The following DUSP10 variants were observed in gnomAD, a reference collection of about 807,000 sequenced individuals.
DUSP10 encodes the protein dual specificity protein phosphatase 10.
Under a neutral mutation model 30.8 loss-of-function variants are expected in DUSP10, and 14 were observed. That is an observed-to-expected ratio of 0.46 (90% CI 0.30 to 0.71). The LOEUF is 0.71. Among genes scored for constraint, DUSP10 ranks in the 30% least tolerant of loss-of-function variants. The probability of loss-of-function intolerance (pLI) is 0.08; values close to 1 mark genes in which losing one functional copy is unlikely to be tolerated. For synonymous variants in DUSP10, 254 were observed against 250.4 expected, an observed-to-expected ratio of 1.01 and a Z score of -0.14; for missense variants, 550 against 619.4, an observed-to-expected ratio of 0.89 and a Z score of 1.19.
chr1:221,713,415 CA>C (rs1176483324), intron 2 of DUSP10, among the ~76,000 whole-genome samples: 1 of 152,144 alleles, frequency 6.6e-6, no homozygotes, highest in African/African-American at 2.4e-5. Context: ...AAAAAAAAGA[CA>C]TTTTTTAGGC....
chr1:221,706,385 C>T lies in DUSP10; in HGVS notation c.893G>A (p.Gly298Asp), dbSNP rs201839942. ...LQLQECREVGGGASAASSLLP... is the reference protein window; with the variant it reads ...LQLQECREVGDGASAASSLLP... ...CAAGCTCGAGGCCGCGGATGCGCCG[C>T]CCCCCACCTCCCGGCACTCTTGGAG... Residue 298 changes from glycine (G) to aspartate (D), a missense_variant, in exon 3 of 4, where the codon GGC becomes GAC. By Grantham distance (94) the Gly-to-Asp change is moderately conservative. Transcript: ENST00000366899. The surrounding 1 kb of genome is among the most constrained non-coding windows in gnomAD (Gnocchi z 4.6). 137 of 1,580,360 alleles carry T rather than the reference C, an allele frequency of 8.7e-5. No individual in the cohort carries two copies. The East Asian group carries it at 2.7e-3, about 31-fold the overall frequency.
chr1:221,720,897 C>T (rs191465650), intron 2 of DUSP10, among the ~76,000 whole-genome samples: 2 of 152,104 alleles, frequency 1.3e-5, no homozygotes, highest in African/African-American at 4.8e-5. Flanking sequence ...TCTGAAGTTA[C>T]CTATTTATTT....
chr1:221,730,464 G>A (rs1053020524), intron 2 of DUSP10, among the ~76,000 whole-genome samples: 3 of 152,262 alleles, frequency 2.0e-5, no homozygotes, highest in East Asian at 1.9e-4. Context: ...GCAAAATCCC[G>A]TTGTGGAAGC....
At chr1:221,727,545 G>A (rs1171554390) in intron 2 of DUSP10, among the ~76,000 whole-genome samples, 2 of 152,170 alleles carry the variant, frequency 1.3e-5, no homozygotes, top group Non-Finnish European at 2.9e-5. Context: ...TTTGAAAAAT[G>A]TCTTTCCTTT....
chr1:221,740,772 C>A (rs1322781511), intron 1 of DUSP10, among the ~76,000 whole-genome samples: 1 of 152,242 alleles, frequency 6.6e-6, no homozygotes, highest in Non-Finnish European at 1.5e-5. Flanking sequence ...TCCCAATTAG[C>A]CTGTACTCGT....
chr1:221,730,818 C>A (rs1571828238), intron 2 of DUSP10, among the ~76,000 whole-genome samples: 2 of 151,684 alleles, frequency 1.3e-5, no homozygotes, highest in African/African-American at 2.4e-5. Context: ...TTACATATAT[C>A]TATAACTCTC....
intron 2 of DUSP10, among the ~76,000 whole-genome samples, chr1:221,710,073 T>G (rs1052148400): frequency 1.3e-5 from 2 of 152,172 alleles, no homozygotes; most frequent in Non-Finnish European, 2.9e-5. Context: ...AGCCTCAGTT[T>G]ACCAATCTAT....
chr1:221,731,848 C>A (rs1485633039), intron 2 of DUSP10, among the ~76,000 whole-genome samples: 1 of 151,876 alleles, frequency 6.6e-6, no homozygotes, highest in Non-Finnish European at 1.5e-5. Context: ...ACCTCATGAT[C>A]CATCTGCCTC....
At chr1:221,708,235 G>A (rs749816702) in intron 2 of DUSP10, among the ~76,000 whole-genome samples, 3 of 152,204 alleles carry the variant, frequency 2.0e-5, no homozygotes, top group African/African-American at 7.2e-5. Flanking sequence ...AACAAGAGAC[G>A]GTTATGTTGC....
chr1:221,737,403 A>G (rs751393627), intron 2 of DUSP10: 174 of 985,284 alleles, frequency 1.8e-4, no homozygotes, highest in Non-Finnish European at 2.1e-4. Flanking sequence ...CATCAAGATT[A>G]TGGTAAGACA....
chr1:221,703,695 G>A (rs1271507985), intron 3 of DUSP10, among the ~76,000 whole-genome samples: 14 of 152,126 alleles, frequency 9.2e-5, no homozygotes, highest in Non-Finnish European at 4.4e-5. Flanking sequence ...AATAGCATGT[G>A]GGCACTACCT....
At chr1:221,723,851 C>T (rs142955504) in intron 2 of DUSP10, among the ~76,000 whole-genome samples, 188 of 152,320 alleles carry the variant, frequency 1.2e-3, no homozygotes, top group Non-Finnish European at 2.3e-3. Context: ...GGTTCCATTA[C>T]TTAGGCATAA....
intron 3 of DUSP10, among the ~76,000 whole-genome samples, chr1:221,705,656 G>T (rs954485552): frequency 6.6e-6 from 1 of 152,120 alleles, no homozygotes; most frequent in Non-Finnish European, 1.5e-5. Flanking sequence ...TGACCGGAAG[G>T]CATAGGTATG....
chr1:221,725,007 C>T (rs752964267), intron 2 of DUSP10, among the ~76,000 whole-genome samples: 3 of 152,164 alleles, frequency 2.0e-5, no homozygotes, highest in South Asian at 2.1e-4. Flanking sequence ...AAAAGCAGTG[C>T]GCAGATACAT....
chr1:221,735,321 C>T (rs1235302362), intron 2 of DUSP10, among the ~76,000 whole-genome samples: 1 of 152,164 alleles, frequency 6.6e-6, no homozygotes, highest in Non-Finnish European at 1.5e-5. Context: ...CAAGGAGGCA[C>T]CTGGAGCCCT....
chr1:221,737,022 T>C, intron 2 of DUSP10: 1 of 985,386 alleles, frequency 1.0e-6, no homozygotes, highest in African/African-American at 1.7e-5. Context: ...GTCCAGAATC[T>C]CAGCTGCATC....
rs543089946 is a variant in DUSP10 at position 221,725,638 on chromosome 1, G to A, written c.811+13296C>T. 2.0e-5 allele frequency among the ~76,000 whole-genome samples: 3 copies of A among 152,194 alleles called. No individual in the cohort carries two copies. The East Asian group carries it at 5.8e-4, about 29-fold the overall frequency. On this transcript the variant is annotated intron_variant, in intron 2 of 3. Transcript: ENST00000366899. ...TCAAAGAATTATCTCCTATTTAAAG[G>A]GCACTTTACCTCAATTTGGCAAAAT...
chr1:221,722,602 C>T (rs1196386953), intron 2 of DUSP10, among the ~76,000 whole-genome samples: 1 of 152,168 alleles, frequency 6.6e-6, no homozygotes, highest in African/African-American at 2.4e-5. Context: ...TGTTTTATTC[C>T]TAGTTTTCAC....
intron 2 of DUSP10, among the ~76,000 whole-genome samples, chr1:221,727,700 A>G (rs1452562411): frequency 2.0e-5 from 3 of 152,212 alleles, no homozygotes; most frequent in East Asian, 3.8e-4. Context: ...TGATCAGTGA[A>G]GTTAATCTCC....
Sources: gnomAD v4.1 joint callset for allele counts (sites outside exome capture counted in the v4.1 genomes callset) on GRCh38, gnomAD v4.1.1 for gene constraint, Gnocchi (gnomAD v3.1) non-coding constraint, MANE v1.5 for transcripts, NCBI Gene and HGNC (gene_info 2026-07-23, HGNC 2026-07-21) for gene names.